ABCG4: variants seen among roughly 807,000 people sequenced by gnomAD.
ABCG4 encodes ATP-binding cassette sub-family G member 4.
ABCG4 carries 35 observed loss-of-function variants against 64.6 expected under a neutral mutation model. The ratio of observed to expected loss-of-function variants is 0.54; its 90% CI spans 0.41 to 0.72. The LOEUF (loss-of-function observed/expected upper bound fraction) is 0.72, where lower values mean the gene tolerates loss of function less well. Among genes scored for constraint, ABCG4 ranks in the 30% least tolerant of loss-of-function variants. The pLI, the probability that ABCG4 is intolerant of heterozygous loss-of-function variation, is 0.00. For synonymous variants in ABCG4, 326 were observed against 348.2 expected, an observed-to-expected ratio of 0.94 and a Z score of 0.71; for missense variants, 610 against 846.3, an observed-to-expected ratio of 0.72 and a Z score of 3.46.
At chr11:119,153,786 C>T (rs573713358) in intron 2 of ABCG4, 61 of 509,930 alleles carry the variant, frequency 1.2e-4, no homozygotes, top group Middle Eastern at 5.7e-4. Flanking sequence ...GATTTTCCCA[C>T]GCCTTTCAGA....
rs113184164 is a variant in ABCG4 at position 119,155,154 on chromosome 11, C to T, written c.686+239C>T. Among the ~76,000 whole-genome samples the T allele has an allele frequency of 0.031, 4,685 of 152,292 alleles. 99 individuals carry two copies. The highest frequency in any genetic ancestry group is 0.07 in the South Asian group (338 of 4,824). On this transcript the variant is annotated intron_variant, in intron 6 of 14. Coordinates refer to ENST00000619701, the MANE Select transcript of ABCG4 (RefSeq NM_022169.5). This position sits in a 1 kb window ranked among gnomAD's most constrained non-coding sequence, Gnocchi z 4.5. ...TGACACCTCCCTCTCCAGTCACCCTCAGCCATCAGTCACCAAGTCCTGTTG... is the reference window on the plus strand; with the variant it reads ...TGACACCTCCCTCTCCAGTCACCCTTAGCCATCAGTCACCAAGTCCTGTTG...
chr11:119,154,726 G>T lies in ABCG4; in HGVS notation c.541-44G>T. 2 of 1,593,876 alleles carry T rather than the reference G, an allele frequency of 1.3e-6. No individual in the cohort carries two copies. The highest frequency in any genetic ancestry group is 2.7e-5 in the African/African-American group (2 of 74,670). On this transcript the variant is annotated intron_variant, in intron 5 of 14. Transcript: ENST00000619701. This position sits in a 1 kb window ranked among gnomAD's most constrained non-coding sequence, Gnocchi z 7.0. ...GAAGCTGGGGTGGTGCCTGGGGGAAGCAGAGACTCCGAAGCTGACCTGGCA... is the reference window on the plus strand; with the variant it reads ...GAAGCTGGGGTGGTGCCTGGGGGAATCAGAGACTCCGAAGCTGACCTGGCA...
chr11:119,149,828 C>A lies in ABCG4; in HGVS notation c.-12-126C>A. 1.4e-6 allele frequency: 2 copies of A among 1,387,778 alleles called. No individual in the cohort carries two copies. The highest frequency in any genetic ancestry group is 1.9e-6 in the Non-Finnish European group (2 of 1,047,802). The allele number at this position is 1,387,778 out of a possible 1,614,324, so 86.0% of individuals were successfully genotyped here. A position where few individuals can be genotyped will look rare whatever the true frequency, so the allele number is the denominator to read the frequency against. ...TGGGGGGCGGGGGCAGAGTGCGGGG[C>A]TAACAGTCGCGGATCTGCCCCGAGA... is the stretch of plus-strand genomic sequence containing the variant. On this transcript the variant is annotated intron_variant, in intron 1 of 14. Transcript: ENST00000619701. The surrounding 1 kb of genome is among the most constrained non-coding windows in gnomAD (Gnocchi z 8.3).
intron 2 of ABCG4, 129 bp from the exon 3 acceptor site, chr11:119,153,897 T>C: frequency 1.3e-6 from 1 of 784,306 alleles, no homozygotes; most frequent in Admixed American, 2.1e-5. Context: ...GGGTTGTTCC[T>C]CCATCCTAAC....
rs186889402 is a variant in ABCG4 at position 119,161,445 on chromosome 11, T to C, written c.*339T>C. 3.7e-3 allele frequency: 868 copies of C among 234,004 alleles called. 2 individuals are homozygous for C. Among genetic ancestry groups the C allele is most frequent in the Non-Finnish European group, 5.4e-3 (641 of 117,804 alleles). 14.5% of individuals were successfully genotyped at this position (234,004 alleles called of 1,614,324 possible). A position where few individuals can be genotyped will look rare whatever the true frequency, so the allele number is the denominator to read the frequency against. Reference sequence around the variant, plus strand: ...TCCTCTGCTGTCTGCCTGGGAGCCCTAGGCTCTCTAGGGCCCCACTTACAA... The same window carrying C: ...TCCTCTGCTGTCTGCCTGGGAGCCCCAGGCTCTCTAGGGCCCCACTTACAA... On this transcript the variant is annotated 3_prime_UTR_variant, in exon 15 of 15. Transcript: ENST00000619701.
Position 119,149,820 on chromosome 11 carries a change from G to C in ABCG4, c.-12-134G>C. ...GCGGAGAGTGGGGGGCGGGGGCAGA[G>C]TGCGGGGCTAACAGTCGCGGATCTG... On this transcript the variant is annotated intron_variant, in intron 1 of 14. Transcript: ENST00000619701. This position sits in a 1 kb window ranked among gnomAD's most constrained non-coding sequence, Gnocchi z 8.3. 1 of 1,353,700 alleles carries C rather than the reference G, an allele frequency of 7.4e-7. No individual in the cohort carries two copies. The highest frequency in any genetic ancestry group is 9.8e-7 in the Non-Finnish European group (1 of 1,018,222). The allele number at this position is 1,353,700 out of a possible 1,614,324, so 83.9% of individuals were successfully genotyped here. A position where few individuals can be genotyped will look rare whatever the true frequency, so the allele number is the denominator to read the frequency against.
In ABCG4 at chr11:119,154,184, A is replaced by T; in HGVS notation, c.356+41A>T. ...GGGTGGAATGGAGGCAGGACTCAGGAAGAAGTATCCCTTGGGGAACACAGA... is the reference window on the plus strand; with the variant it reads ...GGGTGGAATGGAGGCAGGACTCAGGTAGAAGTATCCCTTGGGGAACACAGA... On this transcript the variant is annotated intron_variant, in intron 3 of 14. Transcript: ENST00000619701. The surrounding 1 kb of genome is among the most constrained non-coding windows in gnomAD (Gnocchi z 7.0). 6.2e-7 allele frequency: 1 copy of T among 1,613,560 alleles called. No homozygotes were observed. Among genetic ancestry groups the T allele is most frequent in the Non-Finnish European group, 8.5e-7 (1 of 1,179,492 alleles).
In ABCG4 at chr11:119,156,400, T is replaced by C. The variant is rs1319636489; in HGVS notation, c.758T>C (p.Ile253Thr). The change falls in exon 7 of 15, where the codon ATC becomes ACC. Residue 253 changes from isoleucine (I) to threonine (T), a missense_variant. Ile to Thr is a moderately conservative substitution (Grantham distance 89, BLOSUM62 -1). Transcript: ENST00000619701. This position sits in a 1 kb window ranked among gnomAD's most constrained non-coding sequence, Gnocchi z 5.5. ...MKSLAQGGRT[I>T]ICTIHQPSAK... ...TCCCTGGCACAGGGGGGCCGTACCA[T>C]CATCTGCACCATCCACCAGCCCAGT... 1 of 1,613,976 alleles carries C rather than the reference T, an allele frequency of 6.2e-7. No homozygotes were observed. Among genetic ancestry groups the C allele is most frequent in the Non-Finnish European group, 8.5e-7 (1 of 1,180,028 alleles).
At position 119,149,937 on chromosome 11, in the gene ABCG4, A is replaced by G. The variant is rs1236320079; in HGVS notation, c.-12-17A>G. 9 of 1,595,682 alleles carry G rather than the reference A, an allele frequency of 5.6e-6. No homozygotes were observed. The Admixed American group carries it at 1.5e-4, about 27-fold the overall frequency. On this transcript the variant is annotated splice_polypyrimidine_tract_variant and intron_variant, in intron 1 of 14. Coordinates refer to ENST00000619701, the MANE Select transcript of ABCG4 (RefSeq NM_022169.5). The surrounding 1 kb of genome is among the most constrained non-coding windows in gnomAD (Gnocchi z 8.3). ...CTCGGTGGTCTGCCCCAAACTGAGCAGGCCCTCCCCTTGCAGGTCGGCGGC... is the reference window on the plus strand; with the variant it reads ...CTCGGTGGTCTGCCCCAAACTGAGCGGGCCCTCCCCTTGCAGGTCGGCGGC...
intron 2 of ABCG4, chr11:119,153,066 A>C (rs1057438331): frequency 2.6e-5 from 4 of 152,348 alleles, no homozygotes; most frequent in African/African-American, 7.2e-5. Context: ...AGCATTTATC[A>C]AGTAGAATTA....
In ABCG4 at chr11:119,154,138, A is replaced by T; in HGVS notation, c.351A>T (p.Gly117=). The change falls in exon 3 of 15, where the codon GGA becomes GGT. Residue 117 remains glycine, a synonymous_variant. Coordinates refer to ENST00000619701, the MANE Select transcript of ABCG4 (RefSeq NM_022169.5). This position sits in a 1 kb window ranked among gnomAD's most constrained non-coding sequence, Gnocchi z 7.0. Reference sequence around the variant, plus strand: ...CTACATTCATGAACATCTTGGCAGGATACAGGTAAGGAAGAGACTGGGGTG... The same window carrying T: ...CTACATTCATGAACATCTTGGCAGGTTACAGGTAAGGAAGAGACTGGGGTG... ...GKSTFMNILA[G]YRESGMKGQI... 1 of 1,614,140 alleles carries T rather than the reference A, an allele frequency of 6.2e-7. No homozygotes were observed. The highest frequency in any genetic ancestry group is 8.5e-7 in the Non-Finnish European group (1 of 1,180,024).
At position 119,160,855 on chromosome 11, in the gene ABCG4, C is replaced by A; in HGVS notation, c.1716-26C>A. On this transcript the variant is annotated intron_variant, in intron 14 of 14. Coordinates refer to ENST00000619701, the MANE Select transcript of ABCG4 (RefSeq NM_022169.5). This position sits in a 1 kb window ranked among gnomAD's most constrained non-coding sequence, Gnocchi z 4.6. Reference sequence around the variant, plus strand: ...AGAGCAGGGACCCTGTGTGCTGTATCCCATCTGATATCCCTGCCTGCCTAG... The same window carrying A: ...AGAGCAGGGACCCTGTGTGCTGTATACCATCTGATATCCCTGCCTGCCTAG... The A allele has an allele frequency of 6.2e-7, 1 of 1,605,180 alleles. No homozygotes were observed. The highest frequency in any genetic ancestry group is 8.5e-7 in the Non-Finnish European group (1 of 1,173,328).
At position 119,149,686 on chromosome 11, in the gene ABCG4, G is replaced by T; in HGVS notation, c.-12-268G>T. 2.0e-6 allele frequency: 1 copy of T among 510,344 alleles called. No individual in the cohort carries two copies. The highest frequency in any genetic ancestry group is 2.8e-5 in the South Asian group (1 of 36,144). 31.6% of individuals were successfully genotyped at this position (510,344 alleles called of 1,614,324 possible). On this transcript the variant is annotated intron_variant, in intron 1 of 14. Coordinates refer to ENST00000619701, the MANE Select transcript of ABCG4 (RefSeq NM_022169.5). This position sits in a 1 kb window ranked among gnomAD's most constrained non-coding sequence, Gnocchi z 8.3. Reference sequence around the variant, plus strand: ...CAGTCCCCAGGGGCTGCTGGCCTGCGGGGTAAGGAGATTAGAGAAGCCGCC... The same window carrying T: ...CAGTCCCCAGGGGCTGCTGGCCTGCTGGGTAAGGAGATTAGAGAAGCCGCC...
rs2135132000 is a variant in ABCG4, at chr11:119,161,085, C to T, written c.1920C>T (p.Tyr640=). ...TGCTGGCCTACCTTGTGCTGCGTTA[C>T]CGGGTCAAGTCAGAGAGATAGAGGC... ...LRLLAYLVLR[Y]RVKSER The change falls in exon 15 of 15, where the codon TAC becomes TAT. Residue 640 remains tyrosine, a synonymous_variant. Coordinates refer to ENST00000619701, the MANE Select transcript of ABCG4 (RefSeq NM_022169.5). 3.1e-6 allele frequency: 5 copies of T among 1,613,758 alleles called. 1 individual carries two copies. Among genetic ancestry groups the T allele is most frequent in the East Asian group, 2.2e-5 (1 of 44,872 alleles).
Position 119,156,762 on chromosome 11 carries a change from G to A in ABCG4, c.925+84G>A. On this transcript the variant is annotated intron_variant, in intron 8 of 14. Transcript: ENST00000619701. This position sits in a 1 kb window ranked among gnomAD's most constrained non-coding sequence, Gnocchi z 5.5. ...CTGGTCTTGCACTCAGGCCTCCTAG[G>A]GGTAGAGATCTCACCGTCGCCTGCC... 12 of 1,592,394 alleles carry A rather than the reference G, an allele frequency of 7.5e-6. No homozygotes were observed. Among genetic ancestry groups the A allele is most frequent in the Non-Finnish European group, 1.0e-5 (12 of 1,161,756 alleles).
chr11:119,159,703 G>A (rs1034272129), intron 12 of ABCG4, among the ~76,000 whole-genome samples: 1 of 152,144 alleles, frequency 6.6e-6, no homozygotes, highest in African/African-American at 2.4e-5. Flanking sequence ...GCACATCTGT[G>A]CAAGTTAGAA....
intron 2 of ABCG4, among the ~76,000 whole-genome samples, chr11:119,152,314 G>A (rs1948202854): frequency 6.6e-6 from 1 of 152,204 alleles, no homozygotes; most frequent in Non-Finnish European, 1.5e-5. Context: ...TAAACCATGG[G>A]TACCATCCAG....
rs764693748 is a variant in ABCG4 at position 119,160,925 on chromosome 11, G to A, written c.1760G>A (p.Arg587Gln). ...GVILTIYGMERGDLTCLEERC... is the reference protein window; with the variant it reads ...GVILTIYGMEQGDLTCLEERC... ...ATCCTGACGATCTATGGCATGGAGC[G>A]AGGAGACCTGACATGTTTAGAGGAA... The change falls in exon 15 of 15, where the codon CGA becomes CAA. Residue 587 changes from arginine to glutamine, a missense_variant. Coordinates refer to ENST00000619701, the MANE Select transcript of ABCG4 (RefSeq NM_022169.5). This position sits in a 1 kb window ranked among gnomAD's most constrained non-coding sequence, Gnocchi z 4.6. 2.2e-5 allele frequency: 35 copies of A among 1,613,944 alleles called. No individual in the cohort carries two copies. Among genetic ancestry groups the A allele is most frequent in the South Asian group, 7.7e-5 (7 of 91,084 alleles).
In ABCG4 at chr11:119,150,014, G is replaced by C. The variant is rs761710828; in HGVS notation, c.49G>C (p.Ala17Pro). The change falls in exon 2 of 15, where the codon GCT becomes CCT. Residue 17 changes from alanine (A) to proline (P), a missense_variant. Physicochemically the swap from Ala to Pro is conservative, Grantham distance 27. Coordinates refer to ENST00000619701, the MANE Select transcript of ABCG4 (RefSeq NM_022169.5). The surrounding 1 kb of genome is among the most constrained non-coding windows in gnomAD (Gnocchi z 4.3). ...EAVGCGLGPG[A>P]VAMAVTLEDG... ...CGTGGGCTGTGGACTAGGGCCGGGG[G>C]CTGTGGCCATGGCCGTGACGCTGGA... 1.2e-6 allele frequency: 2 copies of C among 1,612,246 alleles called. No homozygotes were observed. Among genetic ancestry groups the C allele is most frequent in the African/African-American group, 2.7e-5 (2 of 74,932 alleles).
Sources: allele counts gnomAD v4.1 joint callset (sites outside exome capture counted in the v4.1 genomes callset), GRCh38; gene constraint gnomAD v4.1.1; non-coding constraint Gnocchi (gnomAD v3.1); transcripts MANE v1.5; gene names NCBI Gene and HGNC (gene_info 2026-07-23, HGNC 2026-07-21).